Variants in PPM1E observed in about 807,000 individuals in gnomAD.
PPM1E encodes the protein protein phosphatase 1E.
Under a neutral mutation model 65.9 loss-of-function variants are expected in PPM1E, and 20 were observed. The observed-to-expected ratio is 0.30, with a 90% CI of 0.21 to 0.44. The LOEUF is 0.44. Ranked by LOEUF, PPM1E falls within the 20% of genes least tolerant of loss-of-function variation. The pLI, the probability that PPM1E is intolerant of heterozygous loss-of-function variation, is 1.00. For synonymous variants in PPM1E, 352 were observed against 374.9 expected, an observed-to-expected ratio of 0.94 and a Z score of 0.70; for missense variants, 713 against 953.1, an observed-to-expected ratio of 0.75 and a Z score of 3.32.
chr17:58,845,299 G>GTT (rs570990703), intron 1 of PPM1E, among the ~76,000 whole-genome samples: 6 of 131,894 alleles, frequency 4.5e-5, no homozygotes, highest in African/African-American at 8.3e-5. Context: ...GTCATGGTTG[G>GTT]TTTTTTTTTT....
At chr17:58,867,133 G>A (rs1030290186) in intron 1 of PPM1E, among the ~76,000 whole-genome samples, 4 of 151,986 alleles carry the variant, frequency 2.6e-5, no homozygotes, top group Non-Finnish European at 4.4e-5. Flanking sequence ...GGCATGTGCC[G>A]CCACACCCAG....
At chr17:58,793,427 C>T (rs540177504) in intron 1 of PPM1E, among the ~76,000 whole-genome samples, 14 of 152,008 alleles carry the variant, frequency 9.2e-5, no homozygotes, top group Non-Finnish European at 1.9e-4. Context: ...GCGATCTCGG[C>T]TCACTGCAAG....
chr17:58,761,370 C>T (rs2049819159), intron 1 of PPM1E, among the ~76,000 whole-genome samples: 1 of 152,144 alleles, frequency 6.6e-6, no homozygotes, highest in South Asian at 2.1e-4. Flanking sequence ...AAGTTTTTTA[C>T]TCCACATCCT....
intron 1 of PPM1E, among the ~76,000 whole-genome samples, chr17:58,931,084 AAAG>A (rs1454340383): frequency 8.3e-4 from 88 of 105,500 alleles, no homozygotes; most frequent in African/African-American, 1.8e-3. Flanking sequence ...AAAAAAAAAA[AAAG>A]AAAGAAAGAA....
At chr17:58,959,883 C>T (rs902257716) in intron 2 of PPM1E, among the ~76,000 whole-genome samples, 1 of 152,074 alleles carries the variant, frequency 6.6e-6, no homozygotes, top group Non-Finnish European at 1.5e-5. Flanking sequence ...AAACAGTAAT[C>T]TCTAAAGAAG....
intron 1 of PPM1E, among the ~76,000 whole-genome samples, chr17:58,877,108 T>G (rs2051136855): frequency 1.3e-5 from 2 of 152,222 alleles, no homozygotes. Context: ...ATTAAATAGT[T>G]AACTTATTAT....
Position 58,980,432 on chromosome 17 carries a change from C to T in PPM1E, c.1669C>T (p.Pro557Ser), listed in dbSNP as rs917406014. 3.5e-5 allele frequency: 57 copies of T among 1,613,928 alleles called. No individual in the cohort carries two copies. The highest frequency in any genetic ancestry group is 4.7e-5 in the Non-Finnish European group (55 of 1,180,006). ...DSFTDRTSLS[P>S]GSQINVLEDP... ...ATTCACTGATAGAACTAGCCTGAGCCCAGGGTCCCAAATCAACGTGCTGGA... is the reference window on the plus strand; with the variant it reads ...ATTCACTGATAGAACTAGCCTGAGCTCAGGGTCCCAAATCAACGTGCTGGA... Residue 557 changes from proline (P) to serine (S), a missense_variant, in exon 7 of 7, where the codon CCA becomes TCA. This residue lies in a region of PPM1E where 286 missense variants were observed against 313.8 expected (regional missense o/e 0.91). Coordinates refer to ENST00000308249, the MANE Select transcript of PPM1E (RefSeq NM_014906.5). This position sits in a 1 kb window ranked among gnomAD's most constrained non-coding sequence, Gnocchi z 4.7.
intron 1 of PPM1E, among the ~76,000 whole-genome samples, chr17:58,948,489 T>C (rs1219381701): frequency 1.3e-5 from 2 of 152,148 alleles, no homozygotes; most frequent in Admixed American, 6.5e-5. Flanking sequence ...AATTCTCCAA[T>C]GAGAGTTTAA....
intron 1 of PPM1E, among the ~76,000 whole-genome samples, chr17:58,878,720 G>A (rs1174716565): frequency 2.6e-5 from 4 of 151,012 alleles, no homozygotes; most frequent in Non-Finnish European, 5.9e-5. Context: ...ATCACCTGAG[G>A]TAGGGAGTTT....
At chr17:58,945,497 A>G (rs1434771057) in intron 1 of PPM1E, among the ~76,000 whole-genome samples, 1 of 151,916 alleles carries the variant, frequency 6.6e-6, no homozygotes, top group Non-Finnish European at 1.5e-5. Flanking sequence ...CCAATTCTCC[A>G]TTTCTCCCTG....
chr17:58,892,948 T>C (rs1598633889), intron 1 of PPM1E, among the ~76,000 whole-genome samples: 2 of 152,188 alleles, frequency 1.3e-5, no homozygotes, highest in African/African-American at 4.8e-5. Context: ...TCCAAAACCT[T>C]GACAACACCA....
chr17:58,813,753 T>G (rs2050391173), intron 1 of PPM1E, among the ~76,000 whole-genome samples: 1 of 152,234 alleles, frequency 6.6e-6, no homozygotes, highest in African/African-American at 2.4e-5. Flanking sequence ...TTGTAGAAAT[T>G]GAAAATTCTG....
intron 6 of PPM1E, among the ~76,000 whole-genome samples, chr17:58,977,254 C>T (rs528943122): frequency 4.3e-4 from 65 of 152,080 alleles, no homozygotes; most frequent in East Asian, 3.9e-4. Context: ...ACCAGCCTGA[C>T]CAACATGGTG....
chr17:58,955,647 A>G lies in PPM1E; in HGVS notation c.465-2A>G. On this transcript the variant is annotated splice_acceptor_variant, in intron 1 of 6. Coordinates refer to ENST00000308249, the MANE Select transcript of PPM1E (RefSeq NM_014906.5). LOFTEE classifies it high-confidence loss of function. ...AATGGCCTTTTATCTTTTTTCTTGC[A>G]GTAATTGCCCTTCCTTTTTGGCTGC... 2 of 1,612,738 alleles carry G rather than the reference A, an allele frequency of 1.2e-6. No homozygotes were observed.
At position 58,982,878 on chromosome 17, in the gene PPM1E, CT is replaced by C; in HGVS notation, c.*1849del. 6.4e-7 allele frequency: 1 copy of C among 1,564,470 alleles called. No homozygotes were observed. The highest frequency in any genetic ancestry group is 8.7e-7 in the Non-Finnish European group (1 of 1,151,286). On this transcript the variant is annotated 3_prime_UTR_variant, in exon 7 of 7. Coordinates refer to ENST00000308249, the MANE Select transcript of PPM1E (RefSeq NM_014906.5). ...ATCTGTCACCTTCTGAAGCCTAGATCTTGTTAACCCATCAGGTGCAGTGTCA... is the reference window on the plus strand; with the variant it reads ...ATCTGTCACCTTCTGAAGCCTAGATCTGTTAACCCATCAGGTGCAGTGTCA...
chr17:58,799,518 C>A (rs1416229290), intron 1 of PPM1E, among the ~76,000 whole-genome samples: 1 of 152,170 alleles, frequency 6.6e-6, no homozygotes. Flanking sequence ...TCTTGGCTCA[C>A]TGCAACTTCT....
intron 1 of PPM1E, among the ~76,000 whole-genome samples, chr17:58,765,669 C>T (rs2049867003): frequency 6.6e-6 from 1 of 151,844 alleles, no homozygotes; most frequent in Admixed American, 6.6e-5. Flanking sequence ...TCATTACTAC[C>T]TAGCGTAGTT....
rs533530113 is a variant in PPM1E, at chr17:58,843,053, G to A, written c.464+86592G>A. Among the ~76,000 whole-genome samples, 36 of 152,196 alleles carry A rather than the reference G, an allele frequency of 2.4e-4. No homozygotes were observed. In the South Asian group the frequency reaches 3.1e-3, roughly 13 times the overall value. Reference sequence around the variant, plus strand: ...TGTAATCCTAGCACTTTGGGATACCGAGGCAGGCAGATCACGAGGTCAGGA... The same window carrying A: ...TGTAATCCTAGCACTTTGGGATACCAAGGCAGGCAGATCACGAGGTCAGGA... On this transcript the variant is annotated intron_variant, in intron 1 of 6. Transcript: ENST00000308249.
At chr17:58,947,110 GTTTTTTTT>G (rs56666470) in intron 1 of PPM1E, among the ~76,000 whole-genome samples, 3 of 44,072 alleles carry the variant, frequency 6.8e-5, no homozygotes, top group East Asian at 1.6e-3. Flanking sequence ...CCTTTTTCCT[GTTTTTTTT>G]TTTTTTTTTT....
Sources: gnomAD v4.1 joint callset for allele counts (sites outside exome capture counted in the v4.1 genomes callset) on GRCh38, gnomAD v4.1.1 for gene constraint, gnomAD v4.1.1 regional missense constraint, Gnocchi (gnomAD v3.1) non-coding constraint, MANE v1.5 for transcripts, NCBI Gene and HGNC (gene_info 2026-07-23, HGNC 2026-07-21) for gene names.